NTM: variants seen among roughly 807,000 people sequenced by gnomAD.
NTM encodes neurotrimin.
A neutral mutation model predicts 42.1 loss-of-function variants in NTM; 13 were observed. The ratio of observed to expected loss-of-function variants is 0.31; its 90% CI spans 0.20 to 0.49. NTM has a LOEUF of 0.49. Ranked by LOEUF, NTM falls within the 20% of genes least tolerant of loss-of-function variation. The probability of loss-of-function intolerance (pLI) is 0.99; values close to 1 mark genes in which losing one functional copy is unlikely to be tolerated. For synonymous variants in NTM, 187 were observed against 179.2 expected, an observed-to-expected ratio of 1.04 and a Z score of -0.35; for missense variants, 373 against 452.8, an observed-to-expected ratio of 0.82 and a Z score of 1.60.
chr11:131,678,327 G>C (rs2134748159), intron 1 of NTM, among the ~76,000 whole-genome samples: 1 of 152,348 alleles, frequency 6.6e-6, no homozygotes, highest in African/African-American at 2.4e-5. Flanking sequence ...GGGGTAGGTG[G>C]CTCAGCCCTC....
At chr11:131,995,151 A>G (rs2067757819) in intron 2 of NTM, among the ~76,000 whole-genome samples, 1 of 152,166 alleles carries the variant, frequency 6.6e-6, no homozygotes, top group African/African-American at 2.4e-5. Context: ...TGCTTCAGTC[A>G]TGGATGATCC....
intron 1 of NTM, among the ~76,000 whole-genome samples, chr11:131,586,298 C>T (rs551570927): frequency 2.0e-5 from 3 of 152,160 alleles, no homozygotes; most frequent in Admixed American, 2.0e-4. Flanking sequence ...TCCTCTCCTC[C>T]TTGAGTATGG....
chr11:131,924,658 T>TG (rs1332866994), intron 2 of NTM, among the ~76,000 whole-genome samples: 3 of 124,770 alleles, frequency 2.4e-5, no homozygotes, highest in Non-Finnish European at 5.2e-5. Flanking sequence ...GTGTCCTGTT[T>TG]GGCGAGCTCC....
At chr11:131,773,781 G>T (rs549884347) in intron 1 of NTM, among the ~76,000 whole-genome samples, 14 of 152,260 alleles carry the variant, frequency 9.2e-5, no homozygotes, top group African/African-American at 3.4e-4. Flanking sequence ...CTTTATCCAG[G>T]AGTGGTTAGT....
At chr11:131,837,788 C>T (rs1357772227) in intron 1 of NTM, among the ~76,000 whole-genome samples, 3 of 152,018 alleles carry the variant, frequency 2.0e-5, no homozygotes, top group Non-Finnish European at 4.4e-5. Context: ...GGGAGCCACC[C>T]GGGTCCTCAC....
chr11:132,213,608 A>G (rs2083275143), intron 4 of NTM, among the ~76,000 whole-genome samples: 1 of 152,184 alleles, frequency 6.6e-6, no homozygotes, highest in Non-Finnish European at 1.5e-5. Flanking sequence ...AAGACTATGA[A>G]GGGGCCCCAA....
At chr11:132,308,108 A>G (rs1461895109) in intron 5 of NTM, among the ~76,000 whole-genome samples, 1 of 152,200 alleles carries the variant, frequency 6.6e-6, no homozygotes, top group Non-Finnish European at 1.5e-5. Context: ...TCAGCTCATA[A>G]TTTTTTAAAC....
chr11:131,727,790 A>G (rs550217363), intron 1 of NTM, among the ~76,000 whole-genome samples: 1 of 152,322 alleles, frequency 6.6e-6, no homozygotes, highest in East Asian at 1.9e-4. Context: ...CATTATGCAA[A>G]GCCCAGTTTC....
At chr11:132,297,315 C>T (rs752273781) in intron 4 of NTM, among the ~76,000 whole-genome samples, 6 of 152,184 alleles carry the variant, frequency 3.9e-5, no homozygotes, top group African/African-American at 9.6e-5. Flanking sequence ...TGAGGTTTTG[C>T]TTGATACCAT....
chr11:131,946,651 A>G (rs536198115), intron 2 of NTM, among the ~76,000 whole-genome samples: 3 of 152,310 alleles, frequency 2.0e-5, no homozygotes, highest in Admixed American at 2.0e-4. Context: ...ACCCTACACA[A>G]TGCACACAAT....
At chr11:131,458,052 A>G (rs1951056933) in intron 1 of NTM, among the ~76,000 whole-genome samples, 1 of 152,142 alleles carries the variant, frequency 6.6e-6, no homozygotes, top group South Asian at 2.1e-4. Flanking sequence ...AGGGTATGCA[A>G]TGCATGCATT....
At chr11:131,766,256 C>T (rs1042804189) in intron 1 of NTM, among the ~76,000 whole-genome samples, 1 of 152,192 alleles carries the variant, frequency 6.6e-6, no homozygotes, top group African/African-American at 2.4e-5. Flanking sequence ...AAGCAGGTTG[C>T]ATTTTCACTT....
intron 3 of NTM, among the ~76,000 whole-genome samples, chr11:132,194,931 T>C (rs1168473626): frequency 6.6e-6 from 1 of 151,550 alleles, no homozygotes; most frequent in Non-Finnish European, 1.5e-5. Context: ...CAAGTGATTC[T>C]TGTACCTCAA....
At chr11:131,746,816 G>A (rs902040362) in intron 1 of NTM, among the ~76,000 whole-genome samples, 2 of 152,016 alleles carry the variant, frequency 1.3e-5, no homozygotes, top group Admixed American at 6.6e-5. Flanking sequence ...TCCGAAAAAG[G>A]CAGCGATGTC....
intron 1 of NTM, among the ~76,000 whole-genome samples, chr11:131,624,024 G>T (rs1017134527): frequency 2.0e-5 from 3 of 152,206 alleles, no homozygotes; most frequent in African/African-American, 7.2e-5. Flanking sequence ...GAAAGACAGT[G>T]ATGGAGCCAT....
At chr11:131,748,778 G>C (rs1336839646) in intron 1 of NTM, among the ~76,000 whole-genome samples, 9 of 152,182 alleles carry the variant, frequency 5.9e-5, no homozygotes, top group African/African-American at 2.2e-4. Flanking sequence ...GGAGGGGACT[G>C]CCTGGCACTA....
At chr11:131,963,500 T>A (rs575794541) in intron 2 of NTM, among the ~76,000 whole-genome samples, 2 of 152,372 alleles carry the variant, frequency 1.3e-5, no homozygotes, top group African/African-American at 2.4e-5. Flanking sequence ...AGATAGGTCC[T>A]CTTCTTGCAA....
At chr11:131,477,173 A>ATTTG (rs1485686217) in intron 1 of NTM, among the ~76,000 whole-genome samples, 2 of 152,172 alleles carry the variant, frequency 1.3e-5, no homozygotes, top group African/African-American at 4.8e-5. Flanking sequence ...TGTAAGAATC[A>ATTTG]CATCTATTTG....
At chr11:132,210,836 G>A (rs1304249278) in intron 3 of NTM, among the ~76,000 whole-genome samples, 1 of 152,148 alleles carries the variant, frequency 6.6e-6, no homozygotes, top group East Asian at 1.9e-4. Context: ...CATAATATAA[G>A]CTTCAGAAGG....
Sources: allele counts gnomAD v4.1 joint callset (sites outside exome capture counted in the v4.1 genomes callset), GRCh38; gene constraint gnomAD v4.1.1; transcripts MANE v1.5; gene names NCBI Gene and HGNC (gene_info 2026-07-23, HGNC 2026-07-21).